The following TBC1D23 variants were observed in gnomAD, a reference collection of about 807,000 sequenced individuals.
TBC1D23 encodes TBC1 domain family member 23, also known as HCV non-structural protein 4A-transactivated protein 1.
TBC1D23 carries 55 observed loss-of-function variants against 91.4 expected under a neutral mutation model. The ratio of observed to expected loss-of-function variants is 0.60; its 90% CI spans 0.48 to 0.75. The LOEUF is 0.75. TBC1D23 is among the 30% of genes least tolerant of loss of function. The probability of loss-of-function intolerance (pLI) is 0.00; values close to 1 mark genes in which losing one functional copy is unlikely to be tolerated. For synonymous variants in TBC1D23, 289 were observed against 281.0 expected (o/e 1.03, Z -0.28); for missense variants, 725 against 836.1 (o/e 0.87, Z 1.64).
At chr3:100,285,751 C>A (rs1192081125) in intron 4 of TBC1D23, among the ~76,000 whole-genome samples, 2 of 152,188 alleles carry the variant, frequency 1.3e-5, no homozygotes, top group East Asian at 3.8e-4. Context: ...TTGATTATAG[C>A]CCATCCTAGT....
intron 1 of TBC1D23, among the ~76,000 whole-genome samples, chr3:100,266,965 A>G (rs2067562809): frequency 6.6e-6 from 1 of 152,230 alleles, no homozygotes; most frequent in Non-Finnish European, 1.5e-5. Flanking sequence ...TTCAGCAAAC[A>G]TTCACTGAAT....
chr3:100,293,706 G>A (rs188258189), intron 5 of TBC1D23, among the ~76,000 whole-genome samples: 1 of 152,100 alleles, frequency 6.6e-6, no homozygotes, highest in Non-Finnish European at 1.5e-5. Flanking sequence ...AAGTGTGATG[G>A]CAATTACATG....
At chr3:100,293,920 G>A (rs563543459) in intron 5 of TBC1D23, among the ~76,000 whole-genome samples, 12 of 152,136 alleles carry the variant, frequency 7.9e-5, no homozygotes, top group Non-Finnish European at 1.6e-4. Context: ...TTAATGATAC[G>A]TGATAATAGT....
At chr3:100,286,847 C>T (rs143729028) in intron 4 of TBC1D23, among the ~76,000 whole-genome samples, 108 of 152,214 alleles carry the variant, frequency 7.1e-4, no homozygotes, top group East Asian at 5.4e-3. Context: ...GACAGAGTCT[C>T]GCTCTGTTGC....
chr3:100,311,794 TAA>T, intron 14 of TBC1D23, 37 bp from the exon 15 acceptor site: 1 of 1,448,818 alleles, frequency 6.9e-7, no homozygotes, highest in Admixed American at 2.0e-5. Flanking sequence ...ATTTTTTTTA[TAA>T]TCATTTTGTT....
chr3:100,277,854 T>C (rs1296538143), intron 1 of TBC1D23, among the ~76,000 whole-genome samples: 1 of 152,228 alleles, frequency 6.6e-6, no homozygotes, highest in Non-Finnish European at 1.5e-5. Flanking sequence ...GCCTGAACTC[T>C]CAACAGTAGA....
At chr3:100,297,148 A>T (rs922777757) in intron 8 of TBC1D23, among the ~76,000 whole-genome samples, 11 of 152,196 alleles carry the variant, frequency 7.2e-5, no homozygotes, top group African/African-American at 2.7e-4. Flanking sequence ...ACAGGTTTGT[A>T]TGTGACTTCA....
chr3:100,286,727 C>T (rs956761244), intron 4 of TBC1D23, among the ~76,000 whole-genome samples: 1 of 152,056 alleles, frequency 6.6e-6, no homozygotes, highest in Admixed American at 6.6e-5. Context: ...AACTTCTGAC[C>T]TCAAGGGATC....
chr3:100,297,598 A>G (rs1705322263), intron 8 of TBC1D23, among the ~76,000 whole-genome samples: 1 of 152,050 alleles, frequency 6.6e-6, no homozygotes, highest in Non-Finnish European at 1.5e-5. Flanking sequence ...TCTGCCACAT[A>G]TTTGTTTTTA....
chr3:100,318,035 G>GAC (rs971623050), intron 16 of TBC1D23, among the ~76,000 whole-genome samples: 77 of 151,884 alleles, frequency 5.1e-4, no homozygotes, highest in African/African-American at 1.8e-3. Context: ...TTAAAGCAAA[G>GAC]ACATGTATGG....
rs1705723738 is a variant in TBC1D23 at position 100,315,379 on chromosome 3, C to T, written c.1599-720C>T. 2.0e-5 allele frequency among the ~76,000 whole-genome samples: 3 copies of T among 152,014 alleles called. No individual in the cohort carries two copies. In the South Asian group the frequency reaches 6.2e-4, roughly 31 times the overall value. ...GTTTCTCCACGTTGGTCAGGCTGGT[C>T]TTGAACTCCCGACCTCAGGTGATCC... On this transcript the variant is annotated intron_variant, in intron 15 of 18. Coordinates refer to ENST00000394144, the MANE Select transcript of TBC1D23 (RefSeq NM_001199198.3).
At chr3:100,267,975 A>C (rs1026764137) in intron 1 of TBC1D23, among the ~76,000 whole-genome samples, 1 of 152,182 alleles carries the variant, frequency 6.6e-6, no homozygotes, top group East Asian at 1.9e-4. Context: ...GTTCGAGACC[A>C]TCCTGGGCAA....
At chr3:100,307,893 G>A (rs1705541500) in intron 13 of TBC1D23, among the ~76,000 whole-genome samples, 1 of 152,084 alleles carries the variant, frequency 6.6e-6, no homozygotes, top group Admixed American at 6.5e-5. Context: ...TGTCCTGGAA[G>A]TGGAATAACT....
intron 17 of TBC1D23, among the ~76,000 whole-genome samples, chr3:100,320,316 A>G (rs1273358745): frequency 6.6e-6 from 1 of 152,170 alleles, no homozygotes; most frequent in African/African-American, 2.4e-5. Flanking sequence ...TACTATGCTC[A>G]TTTTGCCTTC....
intron 1 of TBC1D23, among the ~76,000 whole-genome samples, chr3:100,274,945 G>T (rs1183844190): frequency 1.3e-5 from 2 of 149,684 alleles, no homozygotes; most frequent in Non-Finnish European, 3.0e-5. Flanking sequence ...GGACACTTGG[G>T]TTGCATTCAC....
At position 100,319,082 on chromosome 3, in the gene TBC1D23, T is replaced by A. The variant is rs772397604; in HGVS notation, c.1701T>A (p.Ser567Arg). ...TATTTTTTATAGATGAAATTGACAG[T>A]TCTTCAATGTCAGATGATGATAGAA... ...EEEYDTDEID[S>R]SSMSDDDRKE... Residue 567 changes from serine to arginine, a missense_variant, in exon 17 of 19, where the codon AGT becomes AGA. Coordinates refer to ENST00000394144, the MANE Select transcript of TBC1D23 (RefSeq NM_001199198.3). The A allele has an allele frequency of 1.3e-6, 2 of 1,567,968 alleles. No individual in the cohort carries two copies. The highest frequency in any genetic ancestry group is 1.7e-6 in the Non-Finnish European group (2 of 1,150,042).
chr3:100,323,850 T>C lies in TBC1D23; in HGVS notation c.*182T>C. Reference sequence around the variant, plus strand: ...ACAGTAAACTTTTTAAAAATTTTTCTTCTGCATTTTGGTTTTATAAAATGA... The same window carrying C: ...ACAGTAAACTTTTTAAAAATTTTTCCTCTGCATTTTGGTTTTATAAAATGA... On this transcript the variant is annotated 3_prime_UTR_variant, in exon 19 of 19. Transcript: ENST00000394144. The C allele has an allele frequency of 3.9e-6, 1 of 257,314 alleles. No individual in the cohort carries two copies. The highest frequency in any genetic ancestry group is 7.6e-6 in the Non-Finnish European group (1 of 131,638). 15.9% of individuals were successfully genotyped at this position (257,314 alleles called of 1,614,324 possible).
intron 16 of TBC1D23, among the ~76,000 whole-genome samples, chr3:100,316,950 G>A (rs920798672): frequency 6.6e-6 from 1 of 151,986 alleles, no homozygotes; most frequent in Non-Finnish European, 1.5e-5. Context: ...GGGCATGGGA[G>A]TGCATGCCCA....
chr3:100,281,148 C>T (rs747010808), intron 2 of TBC1D23, among the ~76,000 whole-genome samples: 3 of 151,950 alleles, frequency 2.0e-5, no homozygotes, highest in South Asian at 2.1e-4. Flanking sequence ...AGCAAGAGAG[C>T]GAAACTCAGT....
Sources: allele counts gnomAD v4.1 joint callset (sites outside exome capture counted in the v4.1 genomes callset), GRCh38; gene constraint gnomAD v4.1.1; transcripts MANE v1.5; gene names NCBI Gene and HGNC (gene_info 2026-07-23, HGNC 2026-07-21).